Variants in ADAMTSL1 observed in about 807,000 individuals in gnomAD.
ADAMTSL1 encodes the protein ADAMTS like 1.
Under a neutral mutation model 201.8 loss-of-function variants are expected in ADAMTSL1, and 126 were observed. The ratio of observed to expected loss-of-function variants is 0.62; its 90% CI spans 0.54 to 0.72. The LOEUF is 0.72. Among genes scored for constraint, ADAMTSL1 ranks in the 30% least tolerant of loss-of-function variants. The pLI, the probability that ADAMTSL1 is intolerant of heterozygous loss-of-function variation, is 0.00. For missense variants in ADAMTSL1, 2,679 were observed against 2,277.8 expected, an observed-to-expected ratio of 1.18 and a Z score of -3.59; for synonymous variants, 1,121 against 903.4, an observed-to-expected ratio of 1.24 and a Z score of -4.32.
At chr9:17,934,448 CTT>C (rs1389162933) in intron 1 of ADAMTSL1, among the ~76,000 whole-genome samples, 3 of 152,134 alleles carry the variant, frequency 2.0e-5, no homozygotes, top group Non-Finnish European at 4.4e-5. Context: ...CCTGCTCTCT[CTT>C]TGGTGCACTC....
intron 13 of ADAMTSL1, among the ~76,000 whole-genome samples, chr9:18,694,052 A>G (rs371058403): frequency 3.3e-5 from 5 of 152,296 alleles, no homozygotes; most frequent in East Asian, 3.9e-4. Context: ...CACATCTTAC[A>G]TGGCTAGACA....
intron 1 of ADAMTSL1, among the ~76,000 whole-genome samples, chr9:18,101,333 T>TA (rs531217970): frequency 4.0e-4 from 60 of 151,700 alleles, no homozygotes; most frequent in African/African-American, 1.2e-3. Flanking sequence ...CCGTATCTAC[T>TA]AAAAAAATAC....
chr9:18,495,747 C>T (rs1302777274), intron 1 of ADAMTSL1, among the ~76,000 whole-genome samples: 3 of 152,086 alleles, frequency 2.0e-5, no homozygotes, highest in Non-Finnish European at 4.4e-5. Context: ...ACTTCATCTC[C>T]TAGTGTGTGT....
intron 3 of ADAMTSL1, among the ~76,000 whole-genome samples, chr9:18,562,315 A>G (rs1821561455): frequency 6.6e-6 from 1 of 152,144 alleles, no homozygotes; most frequent in Non-Finnish European, 1.5e-5. Flanking sequence ...TTCTTGGTTG[A>G]AAATTCTTTT....
intron 2 of ADAMTSL1, among the ~76,000 whole-genome samples, chr9:18,225,084 C>A (rs1356989386): frequency 2.0e-5 from 3 of 152,116 alleles, no homozygotes; most frequent in African/African-American, 7.2e-5. Flanking sequence ...GACAAGTAAA[C>A]TTTTAGAAGT....
At chr9:17,975,616 C>T (rs1030439089) in intron 1 of ADAMTSL1, among the ~76,000 whole-genome samples, 3 of 152,048 alleles carry the variant, frequency 2.0e-5, no homozygotes, top group Admixed American at 2.0e-4. Flanking sequence ...AGACACTAAC[C>T]TCTTATCACA....
intron 1 of ADAMTSL1, among the ~76,000 whole-genome samples, chr9:18,089,625 G>T (rs1390592894): frequency 6.6e-6 from 1 of 152,082 alleles, no homozygotes; most frequent in Non-Finnish European, 1.5e-5. Context: ...GGAAAAGTAT[G>T]GATGAAACTT....
At chr9:18,746,453 A>T in intron 15 of ADAMTSL1, among the ~76,000 whole-genome samples, 1 of 152,228 alleles carries the variant, frequency 6.6e-6, no homozygotes, top group East Asian at 1.9e-4. Context: ...CACAGGACAG[A>T]AGTGTTGGGC....
At chr9:18,811,878 T>C (rs887318075) in intron 20 of ADAMTSL1, among the ~76,000 whole-genome samples, 1 of 152,100 alleles carries the variant, frequency 6.6e-6, no homozygotes, top group Non-Finnish European at 1.5e-5. Context: ...CCAAAATAAT[T>C]AGGTTAATGT....
intron 2 of ADAMTSL1, among the ~76,000 whole-genome samples, chr9:18,185,959 C>T (rs1161177494): frequency 6.6e-6 from 1 of 152,174 alleles, no homozygotes; most frequent in African/African-American, 2.4e-5. Context: ...TAAATGAAGG[C>T]ATCATAAAAT....
intron 13 of ADAMTSL1, among the ~76,000 whole-genome samples, chr9:18,698,324 A>G (rs544488814): frequency 1.2e-3 from 184 of 152,206 alleles, no homozygotes; most frequent in African/African-American, 4.3e-3. Context: ...TCTGTCACCT[A>G]GGCTGGAGTG....
intron 2 of ADAMTSL1, among the ~76,000 whole-genome samples, chr9:18,218,740 C>T (rs1830146091): frequency 6.6e-6 from 1 of 151,960 alleles, no homozygotes; most frequent in Non-Finnish European, 1.5e-5. Flanking sequence ...TTTGGAGCCT[C>T]TTCTTATATA....
Position 18,693,858 on chromosome 9 carries a change from C to G in ADAMTSL1, c.1574+9058C>G, listed in dbSNP as rs1564156539. ...ATGCTCAAAGATGTTAATAGGGGAC[C>G]TATTAGGTCTGAGGGTCAGTGCATT... On this transcript the variant is annotated intron_variant, in intron 13 of 28. Transcript: ENST00000380548. 5.9e-5 allele frequency among the ~76,000 whole-genome samples: 9 copies of G among 152,238 alleles called. No individual in the cohort carries two copies. The South Asian group carries it at 1.0e-3, about 18-fold the overall frequency.
At chr9:18,111,939 G>T (rs973600590) in intron 1 of ADAMTSL1, among the ~76,000 whole-genome samples, 1 of 152,054 alleles carries the variant, frequency 6.6e-6, no homozygotes, top group African/African-American at 2.4e-5. Context: ...GCATCTAATG[G>T]TAAGTTTTAT....
intron 1 of ADAMTSL1, among the ~76,000 whole-genome samples, chr9:18,124,960 C>T (rs1287581454): frequency 2.0e-5 from 3 of 152,148 alleles, no homozygotes; most frequent in East Asian, 1.9e-4. Context: ...TGGAGTGACT[C>T]ATTCACCCAG....
At chr9:18,025,868 A>T (rs1820671645) in intron 1 of ADAMTSL1, among the ~76,000 whole-genome samples, 1 of 152,082 alleles carries the variant, frequency 6.6e-6, no homozygotes, top group African/African-American at 2.4e-5. Flanking sequence ...AACAATATTG[A>T]TTCTTTCAGT....
chr9:18,495,285 T>C (rs1176688336), intron 1 of ADAMTSL1, among the ~76,000 whole-genome samples: 1 of 152,196 alleles, frequency 6.6e-6, no homozygotes, highest in African/African-American at 2.4e-5. Flanking sequence ...CACATTCATG[T>C]GAAAGCAACG....
intron 1 of ADAMTSL1, among the ~76,000 whole-genome samples, chr9:18,074,477 TTTTC>T (rs1823107478): frequency 2.1e-5 from 1 of 48,662 alleles, no homozygotes; most frequent in African/African-American, 6.6e-5. Flanking sequence ...CTGTGTTTTC[TTTTC>T]TTTTCTTTTC....
chr9:18,611,142 G>A (rs961226118), intron 4 of ADAMTSL1, among the ~76,000 whole-genome samples: 1 of 152,154 alleles, frequency 6.6e-6, no homozygotes, highest in Non-Finnish European at 1.5e-5. Context: ...AGCAGCAGAA[G>A]GGAGTCTGAG....
Sources: gnomAD v4.1 joint callset for allele counts (sites outside exome capture counted in the v4.1 genomes callset) on GRCh38, gnomAD v4.1.1 for gene constraint, MANE v1.5 for transcripts, NCBI Gene and HGNC (gene_info 2026-07-23, HGNC 2026-07-21) for gene names.